USP6: variants seen among roughly 807,000 people sequenced by gnomAD.
USP6 encodes ubiquitin carboxyl-terminal hydrolase 6.
In USP6, 128 loss-of-function variants were observed where a neutral mutation model predicts 175.7. The observed-to-expected ratio is 0.73, with a 90% confidence interval of 0.63 to 0.84. The LOEUF (loss-of-function observed/expected upper bound fraction) is 0.84. Among genes scored for constraint, USP6 ranks in the 40% least tolerant of loss-of-function variants. The pLI, the probability that USP6 is intolerant of heterozygous loss-of-function variation, is 0.00. For missense variants in USP6, 1,498 were observed against 1,760.3 expected (o/e 0.85, Z 2.67); for synonymous variants, 562 against 630.6 (o/e 0.89, Z 1.63).
In USP6 at chr17:5,155,462, G is replaced by T. The variant is rs747782848; in HGVS notation, c.2684G>T (p.Arg895Leu). ...TATTTCCTGTCACCTCAGGAGAATC[G>T]CCCCAGCCTCTTTGGAATGCCATTG... The part of the protein sequence containing the change: ...ELYFLSPQEN[R>L]PSLFGMPLIV... The change falls in exon 31 of 38, where the codon CGC becomes CTC. Residue 895 changes from arginine (R) to leucine (L), a missense_variant. Around this residue, in one of 2 missense-constraint regions of USP6, gnomAD observed 1,217 missense variants for 1,500.8 expected, o/e 0.81. Coordinates refer to ENST00000574788, the MANE Select transcript of USP6 (RefSeq NM_001304284.2). 5.6e-6 allele frequency: 9 copies of T among 1,613,880 alleles called. No individual in the cohort carries two copies. Among genetic ancestry groups the T allele is most frequent in the African/African-American group, 4.0e-5 (3 of 74,888 alleles).
In USP6 at chr17:5,168,984, C is replaced by G. The variant is rs2074155614; in HGVS notation, c.3446C>G (p.Ala1149Gly). ...AAGAAAGTGGATGCGCAGAGTTCGG[C>G]TGGAAAAGAGGACATGCTCCTAAGC... ...EVKKVDAQSS[A>G]GKEDMLLSKS... Residue 1149 changes from alanine (A) to glycine (G), a missense_variant, in exon 35 of 38, where the codon GCT becomes GGT. By Grantham distance (60) the Ala-to-Gly change is moderately conservative. This residue lies in a region of USP6 where 1,217 missense variants were observed against 1,500.8 expected (regional missense o/e 0.81). Transcript: ENST00000574788. The G allele has an allele frequency of 3.1e-6, 5 of 1,614,000 alleles. No homozygotes were observed. The highest frequency in any genetic ancestry group is 4.2e-6 in the Non-Finnish European group (5 of 1,179,866).
chr17:5,136,419 T>A (rs539543593), intron 17 of USP6, among the ~76,000 whole-genome samples: 3 of 152,346 alleles, frequency 2.0e-5, no homozygotes, highest in Non-Finnish European at 4.4e-5. Flanking sequence ...CTTGCCCTTT[T>A]GCACCCTGGC....
In USP6 at chr17:5,146,968, C is replaced by T. The variant is rs115521681; in HGVS notation, c.2320-115C>T. On this transcript the variant is annotated intron_variant, in intron 28 of 37. Transcript: ENST00000574788. Reference sequence around the variant, plus strand: ...TAGTTGAAAAATTATTCAATCATCTCGTTGGTTTTATGGATGAAAGGACCT... The same window carrying T: ...TAGTTGAAAAATTATTCAATCATCTTGTTGGTTTTATGGATGAAAGGACCT... The T allele has an allele frequency of 1.2e-3, 1,221 of 1,055,776 alleles. 17 individuals carry two copies. The East Asian group carries it at 0.019, about 16-fold the overall frequency. The allele number at this position is 1,055,776 out of a possible 1,614,324, so 65.4% of individuals were successfully genotyped here.
At position 5,170,559 on chromosome 17, in the gene USP6, T is replaced by G; in HGVS notation, c.3598T>G (p.Leu1200Val). The G allele has an allele frequency of 1.2e-6, 2 of 1,612,070 alleles. No homozygotes were observed. Among genetic ancestry groups the G allele is most frequent in the Non-Finnish European group, 1.7e-6 (2 of 1,179,808 alleles). ...CAGCCCTAATAGCAGCCCACGGACT[T>G]TGGGGAGGAGCAAAGGGAGGCTCCG... is the stretch of plus-strand genomic sequence containing the variant. The part of the protein sequence containing the change: ...NSSPNSSPRT[L>V]GRSKGRLRLP... Residue 1200 changes from leucine (L) to valine (V), a missense_variant, in exon 36 of 38, where the codon TTG becomes GTG. Leu to Val is a conservative substitution (Grantham distance 32, BLOSUM62 1). Around this residue, in one of 2 missense-constraint regions of USP6, gnomAD observed 1,217 missense variants for 1,500.8 expected, o/e 0.81. Transcript: ENST00000574788.
chr17:5,167,651 A>T (rs2074122040), intron 33 of USP6, among the ~76,000 whole-genome samples: 1 of 152,094 alleles, frequency 6.6e-6, no homozygotes, highest in Non-Finnish European at 1.5e-5. Flanking sequence ...GACATGCGCC[A>T]CAATGCCCAG....
chr17:5,173,040 C>T lies in USP6; in HGVS notation c.*62C>T. On this transcript the variant is annotated 3_prime_UTR_variant, in exon 38 of 38. Transcript: ENST00000574788. Reference sequence around the variant, plus strand: ...GGGAGATGACTCCTTGTAGCTGATACTTGGCAAAAGTGTCACTGAAAGACA... The same window carrying T: ...GGGAGATGACTCCTTGTAGCTGATATTTGGCAAAAGTGTCACTGAAAGACA... The T allele has an allele frequency of 6.4e-7, 1 of 1,572,046 alleles. No homozygotes were observed. Among genetic ancestry groups the T allele is most frequent in the Non-Finnish European group, 8.7e-7 (1 of 1,153,806 alleles).
chr17:5,169,152 T>C, intron 35 of USP6, 97 bp downstream of exon 35: 3 of 1,338,212 alleles, frequency 2.2e-6, no homozygotes, highest in Non-Finnish European at 3.0e-6. Flanking sequence ...GTTGGTTGGG[T>C]GGAAGGAACC....
chr17:5,141,345 TA>T (rs879209875), intron 22 of USP6, 79 bp from the exon 23 acceptor site: 14,450 of 1,029,488 alleles, frequency 0.014, 6 homozygotes, highest in East Asian at 0.023. Context: ...AAGATGTCTT[TA>T]AAAAAAAAAA....
chr17:5,131,646 A>G (rs927186289), intron 11 of USP6, among the ~76,000 whole-genome samples: 1 of 149,430 alleles, frequency 6.7e-6, no homozygotes, highest in East Asian at 2.0e-4. Context: ...GCAGGGCCCC[A>G]TTCTGGGCCT....
At chr17:5,164,259 C>T (rs1355375113) in intron 33 of USP6, among the ~76,000 whole-genome samples, 1 of 152,192 alleles carries the variant, frequency 6.6e-6, no homozygotes, top group Admixed American at 6.5e-5. Flanking sequence ...GACCTAGTTT[C>T]CTATTTAGAT....
chr17:5,165,627 A>T (rs563891096), intron 33 of USP6, among the ~76,000 whole-genome samples: 1 of 152,174 alleles, frequency 6.6e-6, no homozygotes, highest in African/African-American at 2.4e-5. Flanking sequence ...AAAAAATTAA[A>T]CTAGACAAAT....
At chr17:5,150,137 C>T (rs950041331) in intron 30 of USP6, among the ~76,000 whole-genome samples, 5 of 151,936 alleles carry the variant, frequency 3.3e-5, no homozygotes, top group African/African-American at 1.2e-4. Context: ...ATTAAAAATA[C>T]AACAATCAGC....
intron 30 of USP6, among the ~76,000 whole-genome samples, chr17:5,149,809 A>G (rs1214361373): frequency 1.3e-5 from 2 of 152,124 alleles, no homozygotes; most frequent in Non-Finnish European, 2.9e-5. Context: ...ACTCTTTGGT[A>G]AAAAAGAAAA....
rs1055464648 is a variant in USP6 at position 5,132,744 on chromosome 17, C to T, written c.196-166C>T. 1.3e-5 allele frequency among the ~76,000 whole-genome samples: 2 copies of T among 152,098 alleles called. No individual in the cohort carries two copies. The highest frequency in any genetic ancestry group is 4.8e-5 in the African/African-American group (2 of 41,414). On this transcript the variant is annotated intron_variant, in intron 12 of 37. Transcript: ENST00000574788. This position sits in a 1 kb window ranked among gnomAD's most constrained non-coding sequence, Gnocchi z 4.7. ...GCATGTCCCGGGGTCCCAAAGCCAG[C>T]CCATTGGTGCTCATTTGCTCAAAGG...
At position 5,133,558 on chromosome 17, in the gene USP6, C is replaced by T. The variant is rs1313607358; in HGVS notation, c.384+8C>T. ...AACCCCGGAAGATACCAGGTATGCT[C>T]AGCCAGAGCACAACAAACAGGACAG... is the stretch of plus-strand genomic sequence containing the variant. On this transcript the variant is annotated splice_region_variant and intron_variant, in intron 14 of 37. Coordinates refer to ENST00000574788, the MANE Select transcript of USP6 (RefSeq NM_001304284.2). 3.1e-6 allele frequency: 5 copies of T among 1,602,678 alleles called. No homozygotes were observed. Among genetic ancestry groups the T allele is most frequent in the Non-Finnish European group, 4.3e-6 (5 of 1,172,430 alleles).
intron 17 of USP6, 99 bp from the exon 18 acceptor site, chr17:5,136,541 T>C: frequency 1.4e-6 from 2 of 1,441,842 alleles, no homozygotes; most frequent in Admixed American, 3.6e-5. Flanking sequence ...CGGGAGGCCT[T>C]GGGGTTTGGG....
chr17:5,144,760 T>C lies in USP6; in HGVS notation c.1889T>C (p.Phe630Ser), dbSNP rs2073558862. Residue 630 changes from phenylalanine (F) to serine (S), a missense_variant, in exon 26 of 38, where the codon TTT (phenylalanine) becomes TCT (serine). Phe to Ser is a radical substitution (Grantham distance 155). Around this residue, in one of 2 missense-constraint regions of USP6, gnomAD observed 1,217 missense variants for 1,500.8 expected, o/e 0.81. Coordinates refer to ENST00000574788, the MANE Select transcript of USP6 (RefSeq NM_001304284.2). The stretch of plus-strand genomic sequence containing the variant: ...CAAGACTCCCAAGAACTTCTGGCTT[T>C]TCTCTTGGATGGTCTTCATGAAGAT... ...QQQDSQELLA[F>S]LLDGLHEDLN... 1.2e-6 allele frequency: 2 copies of C among 1,613,728 alleles called. No homozygotes were observed. The highest frequency in any genetic ancestry group is 1.3e-5 in the African/African-American group (1 of 74,908).
rs763763006 is a variant in USP6 at position 5,147,187 on chromosome 17, A to G, written c.2424A>G (p.Thr808=). 1 of 1,612,020 alleles carries G rather than the reference A, an allele frequency of 6.2e-7. No homozygotes were observed. Among genetic ancestry groups the G allele is most frequent in the Non-Finnish European group, 8.5e-7 (1 of 1,178,588 alleles). ...PSSPISASSP[T]QIDFSSSPST... ...CTCCAATTTCAGCTTCTAGTCCAAC[A>G]CAAATAGGTAAGATAGAACTAGAAC... is the stretch of plus-strand genomic sequence containing the variant. The change falls in exon 29 of 38, where the codon ACA becomes ACG. Residue 808 remains threonine (T), a synonymous_variant. Transcript: ENST00000574788.
intron 25 of USP6, among the ~76,000 whole-genome samples, chr17:5,143,133 G>C (rs1270368327): frequency 2.0e-5 from 3 of 152,178 alleles, no homozygotes; most frequent in Non-Finnish European, 4.4e-5. Flanking sequence ...AGGGAGGTGA[G>C]GGGGTCAGCC....
Sources: allele counts gnomAD v4.1 joint callset (sites outside exome capture counted in the v4.1 genomes callset), GRCh38; gene constraint gnomAD v4.1.1; regional missense constraint gnomAD v4.1.1; non-coding constraint Gnocchi (gnomAD v3.1); transcripts MANE v1.5; gene names NCBI Gene and HGNC (gene_info 2026-07-23, HGNC 2026-07-21).